The following ITIH5 variants were observed in gnomAD, a reference collection of about 807,000 sequenced individuals.
ITIH5 encodes inter-alpha-trypsin inhibitor heavy chain 5, also known as inter-alpha-trypsin inhibitor heavy chain H5.
In ITIH5, 65 loss-of-function variants were observed where a neutral mutation model predicts 77.5. The ratio of observed to expected loss-of-function variants is 0.84; its 90% CI spans 0.69 to 1.03. ITIH5 has a LOEUF of 1.03. Among genes scored for constraint, ITIH5 ranks in the 50% least tolerant of loss-of-function variants. The probability of loss-of-function intolerance (pLI) is 0.00; values close to 1 mark genes in which losing one functional copy is unlikely to be tolerated. For synonymous variants in ITIH5, 525 were observed against 494.3 expected, an observed-to-expected ratio of 1.06 and a Z score of -0.82; for missense variants, 1,208 against 1,213.1, an observed-to-expected ratio of 1.00 and a Z score of 0.06.
At chr10:7,656,934 G>C (rs1360210621) in intron 1 of ITIH5, among the ~76,000 whole-genome samples, 1 of 151,534 alleles carries the variant, frequency 6.6e-6, no homozygotes, top group Non-Finnish European at 1.5e-5. Flanking sequence ...AGTAGAGATG[G>C]AGTTTCACCA....
At chr10:7,588,863 C>T (rs571498444) in intron 7 of ITIH5, among the ~76,000 whole-genome samples, 23 of 152,340 alleles carry the variant, frequency 1.5e-4, no homozygotes, top group African/African-American at 5.3e-4. Flanking sequence ...TATTAGTATT[C>T]CCATTTTACA....
chr10:7,643,266 T>C (rs1425762356), intron 2 of ITIH5, among the ~76,000 whole-genome samples: 1 of 152,194 alleles, frequency 6.6e-6, no homozygotes, highest in East Asian at 1.9e-4. Flanking sequence ...AATAAATGTA[T>C]GCTGTTTAAG....
intron 7 of ITIH5, among the ~76,000 whole-genome samples, chr10:7,613,215 C>T (rs1188876428): frequency 6.7e-6 from 1 of 149,328 alleles, no homozygotes; most frequent in Non-Finnish European, 1.5e-5. Flanking sequence ...CATTGCACTC[C>T]AGCCCAGGTG....
At chr10:7,596,400 C>T (rs546468765) in intron 7 of ITIH5, among the ~76,000 whole-genome samples, 122 of 152,328 alleles carry the variant, frequency 8.0e-4, no homozygotes, top group South Asian at 3.1e-3. Flanking sequence ...GAGCCAGCTG[C>T]GGCCCACGGC....
At chr10:7,607,426 G>A (rs886322770) in intron 7 of ITIH5, among the ~76,000 whole-genome samples, 6 of 152,166 alleles carry the variant, frequency 3.9e-5, no homozygotes, top group Non-Finnish European at 5.9e-5. Context: ...TGGGAGGATC[G>A]CTTGAGTCCA....
At chr10:7,613,419 A>C (rs11255238) in intron 7 of ITIH5, among the ~76,000 whole-genome samples, 23,734 of 152,238 alleles carry the variant, frequency 0.16, 2,032 homozygotes, top group Non-Finnish European at 0.17. Flanking sequence ...AACTTTGGGA[A>C]ACCTACAAGT....
chr10:7,641,958 G>A lies in ITIH5; in HGVS notation c.268C>T (p.Pro90Ser). Residue 90 changes from proline to serine, a missense_variant, in exon 3 of 14, where the codon CCA becomes TCA. Transcript: ENST00000397146. ...DQDIEFQMQI[P>S]AAAFITNFTM... ...AAGTTGGTGATGAAAGCTGCAGCTG[G>A]AATCTGCATCTGGAACTCAATGTCC... 1.2e-6 allele frequency: 2 copies of A among 1,614,086 alleles called. No homozygotes were observed. The highest frequency in any genetic ancestry group is 1.7e-4 in the Middle Eastern group (1 of 6,060).
At chr10:7,583,121 G>C (rs953125046) in intron 8 of ITIH5, among the ~76,000 whole-genome samples, 4 of 151,846 alleles carry the variant, frequency 2.6e-5, no homozygotes, top group Non-Finnish European at 5.9e-5. Context: ...ACCTACTCTG[G>C]ACCCACAAAA....
At chr10:7,612,443 C>T (rs1325422817) in intron 7 of ITIH5, among the ~76,000 whole-genome samples, 1 of 152,156 alleles carries the variant, frequency 6.6e-6, no homozygotes, top group Non-Finnish European at 1.5e-5. Context: ...TTCTAGTGAA[C>T]AGTGTTGCTC....
rs188458658 is a variant in ITIH5, at chr10:7,563,140, T to C, written c.2772A>G (p.Ala924=). 4 of 1,614,124 alleles carry C rather than the reference T, an allele frequency of 2.5e-6. No individual in the cohort carries two copies. The highest frequency in any genetic ancestry group is 3.4e-6 in the Non-Finnish European group (4 of 1,179,936). The change falls in exon 14 of 14, where the codon GCA becomes GCG. Residue 924 remains alanine (A), a synonymous_variant. Coordinates refer to ENST00000397146, the MANE Select transcript of ITIH5 (RefSeq NM_030569.7). ...TCATCCCTGTGTCAAATGGATGGGA[T>C]GCCAGGTAATCCTTGTACTCCCCGT... is the stretch of plus-strand genomic sequence containing the variant. ...LIDGEYKDYL[A]SHPFDTGMTL...
Position 7,562,986 on chromosome 10 carries a change from C to A in ITIH5, c.*97G>T. 2 of 1,047,304 alleles carry A rather than the reference C, an allele frequency of 1.9e-6. No homozygotes were observed. Among genetic ancestry groups the A allele is most frequent in the South Asian group, 1.4e-5 (1 of 73,822 alleles). 64.9% of individuals were successfully genotyped at this position (1,047,304 alleles called of 1,614,324 possible). ...GTGGGTCATGGAGTCCAGCTAATTG[C>A]CAGGAGCTGAGGCGTGTACAAGCCA... On this transcript the variant is annotated 3_prime_UTR_variant, in exon 14 of 14. Transcript: ENST00000397146.
In ITIH5 at chr10:7,559,946, G is replaced by T. The variant is rs1393709470; in HGVS notation, c.*3137C>A. The T allele has an allele frequency of 1.9e-5, 8 of 428,716 alleles. No homozygotes were observed. Among genetic ancestry groups the T allele is most frequent in the Non-Finnish European group, 3.7e-5 (8 of 215,952 alleles). The allele number at this position is 428,716 out of a possible 1,614,324, so 26.6% of individuals were successfully genotyped here. A position where few individuals can be genotyped will look rare whatever the true frequency, so the allele number is the denominator to read the frequency against. On this transcript the variant is annotated 3_prime_UTR_variant, in exon 14 of 14. Transcript: ENST00000397146. ...GGCTCACTACAAGTTCCGACTGCCT[G>T]GTTCAAGCGATTCTCCTGCCTCAGC...
chr10:7,566,638 C>T (rs1343235848), intron 12 of ITIH5, among the ~76,000 whole-genome samples: 1 of 148,656 alleles, frequency 6.7e-6, no homozygotes, highest in Admixed American at 6.8e-5. Context: ...CAGGAGTTCC[C>T]TTGAGGCCAG....
At chr10:7,636,403 G>C (rs1833798724) in intron 5 of ITIH5, among the ~76,000 whole-genome samples, 1 of 152,084 alleles carries the variant, frequency 6.6e-6, no homozygotes, top group Non-Finnish European at 1.5e-5. Flanking sequence ...CAGATTTTTA[G>C]AAAATGGCCC....
intron 5 of ITIH5, chr10:7,621,230 CTCTT>C (rs1237732492): frequency 6.6e-6 from 1 of 152,226 alleles, no homozygotes; most frequent in Non-Finnish European, 1.5e-5. Context: ...AGATTAGACT[CTCTT>C]TATGCTGCCA....
intron 3 of ITIH5, 25 bp from the exon 4 acceptor site, chr10:7,640,880 T>C (rs745483409): frequency 2.0e-6 from 3 of 1,503,620 alleles, no homozygotes; most frequent in Non-Finnish European, 9.3e-7. Context: ...ACAGTTGTGC[T>C]ACCAGCTTGC....
At chr10:7,636,062 A>G (rs1201888208) in intron 5 of ITIH5, among the ~76,000 whole-genome samples, 7 of 152,188 alleles carry the variant, frequency 4.6e-5, no homozygotes, top group African/African-American at 1.7e-4. Flanking sequence ...CCTTACTGGT[A>G]TATTAAGTAT....
chr10:7,594,993 G>T (rs903491408), intron 7 of ITIH5, among the ~76,000 whole-genome samples: 1 of 152,244 alleles, frequency 6.6e-6, no homozygotes, highest in African/African-American at 2.4e-5. Context: ...AATCCATAGT[G>T]AATGGGCGTC....
intron 12 of ITIH5, among the ~76,000 whole-genome samples, chr10:7,568,348 C>T (rs537087044): frequency 1.3e-5 from 2 of 152,294 alleles, no homozygotes; most frequent in East Asian, 3.9e-4. Context: ...GAAATCCCAG[C>T]ATGAGAAGAG....
Sources: allele counts gnomAD v4.1 joint callset (sites outside exome capture counted in the v4.1 genomes callset), GRCh38; gene constraint gnomAD v4.1.1; transcripts MANE v1.5; gene names NCBI Gene and HGNC (gene_info 2026-07-23, HGNC 2026-07-21).